The following C12orf75 variants were observed in gnomAD, a reference collection of about 807,000 sequenced individuals.
C12orf75 encodes overexpressed in colon carcinoma 1 protein.
C12orf75 carries 4 observed loss-of-function variants against 11.4 expected under a neutral mutation model. The observed-to-expected ratio is 0.35, with a 90% CI of 0.17 to 0.80. The LOEUF is 0.80. C12orf75 is among the 30% of genes least tolerant of loss of function. The pLI, the probability that C12orf75 is intolerant of heterozygous loss-of-function variation, is 0.52. For synonymous variants in C12orf75, 30 were observed against 30.0 expected (o/e 1.00, Z 0.00); for missense variants, 89 against 80.4 (o/e 1.11, Z -0.41).
chr12:105,348,453 A>AT (rs1167402748), intron 1 of C12orf75, 149 bp from the exon 2 acceptor site: 4 of 351,442 alleles, frequency 1.1e-5, no homozygotes, highest in East Asian at 5.0e-5. Context: ...GAATTTTATG[A>AT]TTTTTTTGCC....
rs562747072 is a variant in C12orf75, at chr12:105,358,644, A to G, written c.72-7163A>G. Among the ~76,000 whole-genome samples, 6 of 152,310 alleles carry G rather than the reference A, an allele frequency of 3.9e-5. No individual in the cohort carries two copies. In the South Asian group the frequency reaches 1.2e-3, roughly 32 times the overall value. ...TTCAAATGTTGCATTACTTTCCACA[A>G]ATTTTTCAAATGGTATAGATGAGGA... is the stretch of plus-strand genomic sequence containing the variant. On this transcript the variant is annotated intron_variant, in intron 2 of 5. Transcript: ENST00000443585.
chr12:105,335,338 G>A (rs1199269861), intron 1 of C12orf75, among the ~76,000 whole-genome samples: 1 of 152,178 alleles, frequency 6.6e-6, no homozygotes, highest in Non-Finnish European at 1.5e-5. Flanking sequence ...AAATGGTTTG[G>A]TAGTATTGAA....
intron 1 of C12orf75, among the ~76,000 whole-genome samples, chr12:105,337,144 C>G (rs182445734): frequency 6.6e-6 from 1 of 151,826 alleles, no homozygotes; most frequent in East Asian, 1.9e-4. Flanking sequence ...GCTGACATGG[C>G]GAAACCCCAT....
At chr12:105,348,418 C>CAAAA (rs35593271) in intron 1 of C12orf75, among the ~76,000 whole-genome samples, 184 bp from the exon 2 acceptor site, 4 of 116,106 alleles carry the variant, frequency 3.4e-5, no homozygotes, top group East Asian at 2.5e-4. Context: ...GTATCTGAAA[C>CAAAA]AAAAAAAAAA....
chr12:105,338,016 T>A (rs1892517972), intron 1 of C12orf75, among the ~76,000 whole-genome samples: 1 of 152,210 alleles, frequency 6.6e-6, no homozygotes, highest in South Asian at 2.1e-4. Context: ...GAGTCAGTTA[T>A]ATTAAATTTC....
At chr12:105,368,893 G>A (rs1214009745) in intron 5 of C12orf75, among the ~76,000 whole-genome samples, 1 of 152,130 alleles carries the variant, frequency 6.6e-6, no homozygotes, top group African/African-American at 2.4e-5. Flanking sequence ...GGAGGTCACT[G>A]GAGAGTTTCT....
At chr12:105,336,647 G>A (rs1278724684) in intron 1 of C12orf75, among the ~76,000 whole-genome samples, 5 of 152,180 alleles carry the variant, frequency 3.3e-5, no homozygotes, top group African/African-American at 4.8e-5. Context: ...GGCCCTGAGG[G>A]GTAGAAGCGT....
At chr12:105,358,459 T>C (rs575560439) in intron 2 of C12orf75, among the ~76,000 whole-genome samples, 2 of 152,306 alleles carry the variant, frequency 1.3e-5, no homozygotes, top group African/African-American at 4.8e-5. Context: ...AGGTTGAGGC[T>C]ACAGTGAGCT....
rs143662485 is a variant in C12orf75 at position 105,365,604 on chromosome 12, T to A, written c.72-203T>A. ...TTTTGGTTTGTAGAAAATTACCAAG[T>A]TTTAACGTATGAATGATTGAGGTGA... On this transcript the variant is annotated intron_variant, in intron 2 of 5. Transcript: ENST00000443585. Among the ~76,000 whole-genome samples the A allele has an allele frequency of 2.0e-3, 301 of 152,340 alleles. 4 individuals carry two copies. The highest frequency in any genetic ancestry group is 6.9e-3 in the African/African-American group (286 of 41,572).
intron 1 of C12orf75, among the ~76,000 whole-genome samples, chr12:105,338,804 T>A (rs537944871): frequency 6.6e-6 from 1 of 152,140 alleles, no homozygotes; most frequent in Non-Finnish European, 1.5e-5. Context: ...AGAGCCCACT[T>A]GTTACCACCA....
intron 1 of C12orf75, among the ~76,000 whole-genome samples, chr12:105,340,385 A>G (rs528225185): frequency 1.5e-3 from 220 of 145,508 alleles, no homozygotes; most frequent in African/African-American, 5.6e-3. Context: ...AGATCGTGCC[A>G]CTGCAATCCA....
At chr12:105,340,139 A>G (rs2136141624) in intron 1 of C12orf75, among the ~76,000 whole-genome samples, 1 of 151,770 alleles carries the variant, frequency 6.6e-6, no homozygotes, top group East Asian at 2.0e-4. Context: ...AAATTACTCA[A>G]TGCAGGTGGG....
chr12:105,342,835 A>G (rs1232496137), intron 1 of C12orf75, among the ~76,000 whole-genome samples: 1 of 152,222 alleles, frequency 6.6e-6, no homozygotes, highest in African/African-American at 2.4e-5. Flanking sequence ...TTATGATGAA[A>G]CTGCAATATC....
chr12:105,332,735 TAAAAA>T (rs34772007), intron 1 of C12orf75, among the ~76,000 whole-genome samples: 6,425 of 138,950 alleles, frequency 0.046, 191 homozygotes, highest in Admixed American at 0.055. Flanking sequence ...CCGCTCCATC[TAAAAA>T]AAAAAAAAAA....
chr12:105,366,001 C>T, intron 3 of C12orf75, 159 bp downstream of exon 3: 1 of 664,498 alleles, frequency 1.5e-6, no homozygotes, highest in Non-Finnish European at 2.8e-6. Context: ...AAGAACTTGC[C>T]CAGGATTCAT....
chr12:105,361,123 G>C (rs909575085), intron 2 of C12orf75, among the ~76,000 whole-genome samples: 2 of 152,050 alleles, frequency 1.3e-5, no homozygotes, highest in African/African-American at 4.8e-5. Context: ...TCACAAGAGG[G>C]AGGCTCGTGT....
At chr12:105,356,827 A>G (rs948787017) in intron 2 of C12orf75, among the ~76,000 whole-genome samples, 1 of 152,234 alleles carries the variant, frequency 6.6e-6, no homozygotes, top group Non-Finnish European at 1.5e-5. Context: ...AAAAAGATTC[A>G]TATTTTATGT....
intron 2 of C12orf75, among the ~76,000 whole-genome samples, chr12:105,350,491 CCTTTCT>C (rs1218799967): frequency 6.6e-6 from 1 of 152,152 alleles, no homozygotes; most frequent in Non-Finnish European, 1.5e-5. Flanking sequence ...TTTCCCTTTC[CCTTTCT>C]GTTTATAGAA....
intron 2 of C12orf75, among the ~76,000 whole-genome samples, chr12:105,350,256 C>G (rs928472790): frequency 7.2e-5 from 11 of 152,194 alleles, no homozygotes; most frequent in Non-Finnish European, 1.5e-4. Flanking sequence ...GTCCTCTGGA[C>G]TGAACCCAGG....
Sources: allele counts gnomAD v4.1 joint callset (sites outside exome capture counted in the v4.1 genomes callset), GRCh38; gene constraint gnomAD v4.1.1; transcripts MANE v1.5; gene names NCBI Gene and HGNC (gene_info 2026-07-23, HGNC 2026-07-21).